NELL1: variants seen among roughly 807,000 people sequenced by gnomAD.
NELL1 encodes the protein neural EGFL like 1.
NELL1 carries 76 observed loss-of-function variants against 107.4 expected under a neutral mutation model. The observed-to-expected ratio is 0.71, with a 90% CI of 0.59 to 0.86. NELL1 has a LOEUF of 0.86. Ranked by LOEUF, NELL1 falls within the 40% of genes least tolerant of loss-of-function variation. NELL1 has a pLI of 0.00. For synonymous variants in NELL1, 353 were observed against 341.2 expected (o/e 1.03, Z -0.38); for missense variants, 1,024 against 1,005.5 (o/e 1.02, Z -0.25).
intron 12 of NELL1, among the ~76,000 whole-genome samples, chr11:20,989,386 A>G (rs1485589506): frequency 3.9e-5 from 6 of 152,164 alleles, no homozygotes; most frequent in African/African-American, 1.4e-4. Context: ...TTATGAATAC[A>G]AAAAAGGGTG....
chr11:21,363,566 C>T (rs1260773817), intron 14 of NELL1, among the ~76,000 whole-genome samples: 3 of 152,182 alleles, frequency 2.0e-5, no homozygotes, highest in African/African-American at 4.8e-5. Flanking sequence ...TCTCCAAATG[C>T]TGTTCTGTCC....
At chr11:20,749,023 G>T (rs1856073294) in intron 2 of NELL1, among the ~76,000 whole-genome samples, 1 of 151,910 alleles carries the variant, frequency 6.6e-6, no homozygotes, top group Non-Finnish European at 1.5e-5. Context: ...AATAGGGTTA[G>T]AATGGAGAAC....
intron 14 of NELL1, among the ~76,000 whole-genome samples, chr11:21,317,841 C>A (rs1432353936): frequency 6.6e-6 from 1 of 151,924 alleles, no homozygotes; most frequent in Non-Finnish European, 1.5e-5. Context: ...GATTATAAAT[C>A]CAAAAGATTA....
At chr11:21,100,558 A>G (rs756968057) in intron 12 of NELL1, among the ~76,000 whole-genome samples, 24 of 152,342 alleles carry the variant, frequency 1.6e-4, no homozygotes, top group Admixed American at 2.6e-4. Context: ...TCAAAAGCCT[A>G]AACATGGAAT....
At chr11:21,259,948 A>G (rs988621708) in intron 14 of NELL1, 7 of 151,964 alleles carry the variant, frequency 4.6e-5, no homozygotes, top group African/African-American at 1.7e-4. Flanking sequence ...ACTCAAAATT[A>G]CCACCAAATA....
In NELL1 at chr11:21,117,416, G is replaced by T. The variant is rs1855263760; in HGVS notation, c.1426+3702G>T. ...AGAACATTACCTGGCACAAAGCAGT[G>T]CTCAATAAACATTTGTTGAATGAAA... is the stretch of plus-strand genomic sequence containing the variant. On this transcript the variant is annotated intron_variant, in intron 13 of 19. Transcript: ENST00000357134. Among the ~76,000 whole-genome samples, 3 of 151,870 alleles carry T rather than the reference G, an allele frequency of 2.0e-5. 1 individual carries two copies. Among genetic ancestry groups the T allele is most frequent in the Admixed American group, 2.0e-4 (3 of 15,192 alleles).
intron 3 of NELL1, among the ~76,000 whole-genome samples, chr11:20,791,321 A>C (rs1857069155): frequency 6.6e-6 from 1 of 151,708 alleles, no homozygotes; most frequent in Non-Finnish European, 1.5e-5. Context: ...TCCTAGGTGT[A>C]TTTTTTTATG....
intron 14 of NELL1, among the ~76,000 whole-genome samples, chr11:21,368,355 G>GTTT (rs139485232): frequency 1.7e-4 from 20 of 118,882 alleles, no homozygotes; most frequent in East Asian, 5.4e-4. Flanking sequence ...TTAGGCATTG[G>GTTT]TTTTTTTTTT....
chr11:21,041,680 T>A (rs1332558635), intron 12 of NELL1, among the ~76,000 whole-genome samples: 1 of 152,182 alleles, frequency 6.6e-6, no homozygotes, highest in South Asian at 2.1e-4. Context: ...AAGTGGAAAA[T>A]GGACAAGAAA....
chr11:20,763,428 T>G (rs1856465328), intron 2 of NELL1, among the ~76,000 whole-genome samples: 1 of 152,136 alleles, frequency 6.6e-6, no homozygotes, highest in African/African-American at 2.4e-5. Context: ...ATATTCTCAT[T>G]AGTCACCACT....
At chr11:21,497,912 A>G (rs934550433) in intron 15 of NELL1, among the ~76,000 whole-genome samples, 14 of 151,854 alleles carry the variant, frequency 9.2e-5, no homozygotes, top group South Asian at 2.1e-4. Context: ...ATTTTATTAT[A>G]CCCTGTGTCT....
At chr11:21,291,762 C>T (rs917835060) in intron 14 of NELL1, among the ~76,000 whole-genome samples, 6 of 151,988 alleles carry the variant, frequency 3.9e-5, no homozygotes, top group African/African-American at 1.4e-4. Context: ...GGATGCAAGC[C>T]TGGTTCAACA....
At chr11:20,910,279 G>A (rs1230967672) in intron 5 of NELL1, among the ~76,000 whole-genome samples, 2 of 152,134 alleles carry the variant, frequency 1.3e-5, no homozygotes, top group East Asian at 3.9e-4. Flanking sequence ...CTGGGAACTG[G>A]CACACCATCA....
chr11:20,831,310 G>T (rs762136519), intron 3 of NELL1, among the ~76,000 whole-genome samples: 1 of 152,170 alleles, frequency 6.6e-6, no homozygotes, highest in Non-Finnish European at 1.5e-5. Flanking sequence ...GACCCCAGCA[G>T]ACCTTCTGAA....
chr11:21,160,810 C>T (rs1856347871), intron 13 of NELL1, among the ~76,000 whole-genome samples: 1 of 152,114 alleles, frequency 6.6e-6, no homozygotes, highest in East Asian at 1.9e-4. Flanking sequence ...AATTCACATT[C>T]TGTTTTAGCT....
intron 15 of NELL1, among the ~76,000 whole-genome samples, chr11:21,393,776 A>C (rs919030385): frequency 2.0e-5 from 3 of 151,718 alleles, no homozygotes; most frequent in African/African-American, 7.3e-5. Flanking sequence ...AACTTTTGAA[A>C]GATGACTGAC....
At chr11:20,970,072 C>T (rs1332738772) in intron 12 of NELL1, among the ~76,000 whole-genome samples, 3 of 151,880 alleles carry the variant, frequency 2.0e-5, no homozygotes, top group African/African-American at 7.3e-5. Context: ...TCCATCCATC[C>T]ATCCATCCAT....
intron 2 of NELL1, among the ~76,000 whole-genome samples, chr11:20,704,079 G>C (rs904029869): frequency 6.6e-6 from 1 of 152,130 alleles, no homozygotes; most frequent in African/African-American, 2.4e-5. Context: ...CTGTCTTGCT[G>C]ATCTGTGTAA....
intron 14 of NELL1, among the ~76,000 whole-genome samples, chr11:21,341,853 AT>A (rs762556280): frequency 1.3e-5 from 2 of 151,978 alleles, no homozygotes; most frequent in Non-Finnish European, 2.9e-5. Context: ...GTAATAATAC[AT>A]TTTTTTTGGA....
Sources: gnomAD v4.1 joint callset for allele counts (sites outside exome capture counted in the v4.1 genomes callset) on GRCh38, gnomAD v4.1.1 for gene constraint, MANE v1.5 for transcripts, NCBI Gene and HGNC (gene_info 2026-07-23, HGNC 2026-07-21) for gene names.